Variants in FCMR observed in about 807,000 individuals in gnomAD.
FCMR encodes the protein Fc mu receptor, also known as immunoglobulin mu Fc receptor.
In FCMR, 34 loss-of-function variants were observed where a neutral mutation model predicts 41.6. The ratio of observed to expected loss-of-function variants is 0.82; its 90% CI spans 0.62 to 1.09. FCMR has a LOEUF of 1.09. FCMR is among the 50% of genes least tolerant of loss of function. The pLI is 0.00. For missense variants in FCMR, 496 were observed against 512.5 expected, an observed-to-expected ratio of 0.97 and a Z score of 0.31; for synonymous variants, 209 against 211.8, an observed-to-expected ratio of 0.99 and a Z score of 0.12.
chr1:206,909,767 A>G lies in FCMR; in HGVS notation c.943T>C (p.Tyr315His). 6.8e-7 allele frequency: 1 copy of G among 1,464,460 alleles called. No individual in the cohort carries two copies. Among genetic ancestry groups the G allele is most frequent in the Non-Finnish European group, 9.0e-7 (1 of 1,117,284 alleles). The allele number at this position is 1,464,460 out of a possible 1,614,324, so 90.7% of individuals were successfully genotyped here. A position where few individuals can be genotyped will look rare whatever the true frequency, so the allele number is the denominator to read the frequency against. Reference protein sequence around the residue: ...SPRPRSQNNIYSACPRRARGA... With the variant: ...SPRPRSQNNIHSACPRRARGA... ...CGAGCGCGCCGCGGGCAGGCGCTGT[A>G]GATGTTGTTTTGGGAGCGCGGTCGC... is the stretch of plus-strand genomic sequence containing the variant. The change falls in exon 6 of 8, where the codon TAC becomes CAC. Residue 315 changes from tyrosine (Y) to histidine (H), a missense_variant. Physicochemically the swap from Tyr to His is moderately conservative, Grantham distance 83. Coordinates refer to ENST00000367091, the MANE Select transcript of FCMR (RefSeq NM_005449.5). The surrounding 1 kb of genome is among the most constrained non-coding windows in gnomAD (Gnocchi z 5.0).
Position 206,909,316 on chromosome 1 carries a change from C to A in FCMR, c.1044+146G>T. ...AGGAGGAAACTAAAACAACTTGTTC[C>A]TCGGCTCAGGGCCCAGGAGCTGCTG... On this transcript the variant is annotated intron_variant, in intron 7 of 7. Coordinates refer to ENST00000367091, the MANE Select transcript of FCMR (RefSeq NM_005449.5). The surrounding 1 kb of genome is among the most constrained non-coding windows in gnomAD (Gnocchi z 5.0). The A allele has an allele frequency of 2.4e-6, 1 of 422,288 alleles. No homozygotes were observed. Among genetic ancestry groups the A allele is most frequent in the Non-Finnish European group, 4.0e-6 (1 of 248,456 alleles). 26.2% of individuals were successfully genotyped at this position (422,288 alleles called of 1,614,324 possible).
At position 206,909,187 on chromosome 1, in the gene FCMR, C is replaced by T. The variant is rs373871464; in HGVS notation, c.1044+275G>A. On this transcript the variant is annotated intron_variant, in intron 7 of 7. Transcript: ENST00000367091. This position sits in a 1 kb window ranked among gnomAD's most constrained non-coding sequence, Gnocchi z 5.0. ...CTGCCACCTATCATTCTCTGCTAAGCCAGCTGCATCCAGCACGCAGGTATC... is the reference window on the plus strand; with the variant it reads ...CTGCCACCTATCATTCTCTGCTAAGTCAGCTGCATCCAGCACGCAGGTATC... 6.6e-6 allele frequency among the ~76,000 whole-genome samples: 1 copy of T among 152,198 alleles called. No individual in the cohort carries two copies. Among genetic ancestry groups the T allele is most frequent in the South Asian group, 2.1e-4 (1 of 4,828 alleles).
chr1:206,907,098 G>GGGC (rs1678689997), intron 7 of FCMR, among the ~76,000 whole-genome samples: 1 of 64,020 alleles, frequency 1.6e-5, no homozygotes, highest in Non-Finnish European at 3.0e-5. Flanking sequence ...GGGGGGGTGG[G>GGGC]GGGGTGGGGG....
At chr1:206,919,934 CT>C (rs1679361574) in intron 1 of FCMR, among the ~76,000 whole-genome samples, 1 of 152,208 alleles carries the variant, frequency 6.6e-6, no homozygotes, top group Non-Finnish European at 1.5e-5. Flanking sequence ...GATTTTCAAT[CT>C]TCAGCTTAAC....
At chr1:206,913,676 G>GT (rs1407562135) in intron 2 of FCMR, 83 bp downstream of exon 2, 2 of 1,080,502 alleles carry the variant, frequency 1.9e-6, no homozygotes, top group Non-Finnish European at 2.8e-6. Context: ...CTAGGAGACT[G>GT]TTACAGTTAG....
At chr1:206,906,324 G>T in intron 7 of FCMR, 1 of 220,950 alleles carries the variant, frequency 4.5e-6, no homozygotes, top group East Asian at 1.1e-4. Context: ...AGAGGCCAAA[G>T]AAGAGACTGA....
chr1:206,908,745 T>G (rs1175409289), intron 7 of FCMR, among the ~76,000 whole-genome samples: 1 of 152,178 alleles, frequency 6.6e-6, no homozygotes, highest in African/African-American at 2.4e-5. Context: ...ACAGGGATTT[T>G]TACCACACCC....
At chr1:206,915,375 G>A (rs750014788) in intron 1 of FCMR, among the ~76,000 whole-genome samples, 3 of 152,186 alleles carry the variant, frequency 2.0e-5, no homozygotes, top group Non-Finnish European at 4.4e-5. Context: ...GGTATGGAGT[G>A]CAACTGAGAG....
rs998035909 is a variant in FCMR at position 206,909,191 on chromosome 1, C to T, written c.1044+271G>A. Among the ~76,000 whole-genome samples, 4 of 152,342 alleles carry T rather than the reference C, an allele frequency of 2.6e-5. No homozygotes were observed. Among genetic ancestry groups the T allele is most frequent in the African/African-American group, 9.6e-5 (4 of 41,598 alleles). ...CACCTATCATTCTCTGCTAAGCCAG[C>T]TGCATCCAGCACGCAGGTATCCCGT... On this transcript the variant is annotated intron_variant, in intron 7 of 7. Transcript: ENST00000367091. This position sits in a 1 kb window ranked among gnomAD's most constrained non-coding sequence, Gnocchi z 5.0.
chr1:206,912,381 A>G (rs1489864416), intron 3 of FCMR, among the ~76,000 whole-genome samples: 1 of 152,218 alleles, frequency 6.6e-6, no homozygotes, highest in Non-Finnish European at 1.5e-5. Flanking sequence ...ATAATGTTCA[A>G]TTAATGTGTC....
chr1:206,908,084 T>A, intron 7 of FCMR: 1 of 1,148,162 alleles, frequency 8.7e-7, no homozygotes, highest in Non-Finnish European at 1.3e-6. Context: ...ATAACCACCC[T>A]GGAGGAGAAG....
chr1:206,920,853 A>G (rs1679408642), intron 1 of FCMR, among the ~76,000 whole-genome samples: 2 of 152,218 alleles, frequency 1.3e-5, no homozygotes, highest in South Asian at 4.1e-4. Context: ...TTCTTATCCC[A>G]GTAGACATGG....
At chr1:206,914,139 T>G in intron 1 of FCMR, 45 bp from the exon 2 acceptor site, 1 of 1,464,422 alleles carries the variant, frequency 6.8e-7, no homozygotes, top group Non-Finnish European at 9.5e-7. Context: ...CATCTCTAAC[T>G]ATATCCCAGC....
At chr1:206,921,564 G>C (rs1366331890) in intron 1 of FCMR, 2 of 561,140 alleles carry the variant, frequency 3.6e-6, no homozygotes, top group East Asian at 6.3e-5. Flanking sequence ...TCACACCACT[G>C]CACTCCAGCC....
Position 206,910,192 on chromosome 1 carries a change from C to T in FCMR, c.841+18G>A, listed in dbSNP as rs904388489. On this transcript the variant is annotated intron_variant, in intron 5 of 7. Transcript: ENST00000367091. The stretch of plus-strand genomic sequence containing the variant: ...CTTTGGGCAGCTCAGCTCTCCCTAC[C>T]GAAGCCCAGCCGCTCACCTTTCCTC... 2 of 1,584,722 alleles carry T rather than the reference C, an allele frequency of 1.3e-6. No homozygotes were observed. Among genetic ancestry groups the T allele is most frequent in the Admixed American group, 1.8e-5 (1 of 55,838 alleles).
At chr1:206,919,105 G>A (rs775585766) in intron 1 of FCMR, among the ~76,000 whole-genome samples, 29 of 152,006 alleles carry the variant, frequency 1.9e-4, no homozygotes, top group Non-Finnish European at 3.2e-4. Context: ...ACAGCACAAG[G>A]GTCCTGGTAT....
chr1:206,919,643 G>A (rs567431709), intron 1 of FCMR, among the ~76,000 whole-genome samples: 14 of 152,008 alleles, frequency 9.2e-5, no homozygotes, highest in Admixed American at 3.9e-4. Flanking sequence ...TGCCTCCCCC[G>A]GCCTGCAAAG....
At chr1:206,920,226 G>C (rs1406784282) in intron 1 of FCMR, among the ~76,000 whole-genome samples, 1 of 152,030 alleles carries the variant, frequency 6.6e-6, no homozygotes, top group African/African-American at 2.4e-5. Context: ...AGGCCGAGGC[G>C]GGTGGATCAT....
intron 2 of FCMR, 101 bp downstream of exon 2, chr1:206,913,658 G>GTC: frequency 1.1e-6 from 1 of 901,004 alleles, no homozygotes; most frequent in Admixed American, 2.0e-5. Context: ...TGGCAACAGT[G>GTC]TAAGAGTCTA....
Sources: allele counts gnomAD v4.1 joint callset (sites outside exome capture counted in the v4.1 genomes callset), GRCh38; gene constraint gnomAD v4.1.1; non-coding constraint Gnocchi (gnomAD v3.1); transcripts MANE v1.5; gene names NCBI Gene and HGNC (gene_info 2026-07-23, HGNC 2026-07-21).